Variants in PPARA observed in about 807,000 individuals in gnomAD.
PPARA encodes peroxisome proliferator activated receptor alpha, also known as peroxisome proliferator-activated receptor alpha.
A neutral mutation model predicts 42.2 loss-of-function variants in PPARA; 22 were observed. The ratio of observed to expected loss-of-function variants is 0.52; its 90% CI spans 0.37 to 0.74. The LOEUF is 0.74. PPARA is among the 30% of genes least tolerant of loss of function. The pLI, the probability that PPARA is intolerant of heterozygous loss-of-function variation, is 0.00. For missense variants in PPARA, 465 were observed against 608.2 expected, an observed-to-expected ratio of 0.76 and a Z score of 2.48; for synonymous variants, 242 against 239.3, an observed-to-expected ratio of 1.01 and a Z score of -0.10.
At chr22:46,198,612 A>G (rs749241077) in intron 4 of PPARA, 21 bp downstream of exon 4, 14 of 1,606,594 alleles carry the variant, frequency 8.7e-6, no homozygotes, top group East Asian at 2.2e-5. Flanking sequence ...CGTTTCCTAG[A>G]AAGTTTTATT....
At chr22:46,159,773 A>T (rs1925872585) in intron 2 of PPARA, among the ~76,000 whole-genome samples, 1 of 152,184 alleles carries the variant, frequency 6.6e-6, no homozygotes, top group East Asian at 1.9e-4. Context: ...GGAAAATGAG[A>T]GGCATGAAGG....
At position 46,221,260 on chromosome 22, in the gene PPARA, C is replaced by T. The variant is rs1328903096; in HGVS notation, c.711+1246C>T. Among the ~76,000 whole-genome samples the T allele has an allele frequency of 6.6e-6, 1 of 152,138 alleles. No individual in the cohort carries two copies. The highest frequency in any genetic ancestry group is 1.5e-5 in the Non-Finnish European group (1 of 68,016). ...TGCTAAACCATTCATGAAGGATCACCCCCATGATCCAGTCCCTCCCGCCAG... is the reference window on the plus strand; with the variant it reads ...TGCTAAACCATTCATGAAGGATCACTCCCATGATCCAGTCCCTCCCGCCAG... On this transcript the variant is annotated intron_variant, in intron 7 of 8. Transcript: ENST00000407236. This position sits in a 1 kb window ranked among gnomAD's most constrained non-coding sequence, Gnocchi z 5.9.
chr22:46,151,670 G>A (rs1924456656), intron 1 of PPARA, among the ~76,000 whole-genome samples: 1 of 152,230 alleles, frequency 6.6e-6, no homozygotes. Context: ...CCCCTGCCAG[G>A]AAACCAGGGA....
At chr22:46,166,847 C>T (rs1489678120) in intron 2 of PPARA, among the ~76,000 whole-genome samples, 1 of 152,072 alleles carries the variant, frequency 6.6e-6, no homozygotes, top group Non-Finnish European at 1.5e-5. Context: ...GGAATCAGAC[C>T]TCAGCATGCC....
Position 46,225,266 on chromosome 22 carries a change from G to A in PPARA, c.711+5252G>A, listed in dbSNP as rs1935327508. ...GTCAGGGCCCTTGGTGATGGGGAAG[G>A]GCGCCTCTGGGGAACTCACTGCCCC... On this transcript the variant is annotated intron_variant, in intron 7 of 8. Transcript: ENST00000407236. The surrounding 1 kb of genome is among the most constrained non-coding windows in gnomAD (Gnocchi z 4.1). 1.3e-5 allele frequency among the ~76,000 whole-genome samples: 2 copies of A among 152,130 alleles called. No individual in the cohort carries two copies. The highest frequency in any genetic ancestry group is 4.8e-5 in the African/African-American group (2 of 41,412).
rs757070608 is a variant in PPARA at position 46,227,555 on chromosome 22, A to G, written c.712-4237A>G. On this transcript the variant is annotated intron_variant, in intron 7 of 8. Coordinates refer to ENST00000407236, the MANE Select transcript of PPARA (RefSeq NM_005036.6). This position sits in a 1 kb window ranked among gnomAD's most constrained non-coding sequence, Gnocchi z 4.3. Reference sequence around the variant, plus strand: ...GCATGAGCTACTGCGCCTGGTCCACATTTAATTTTTTGCAAAAAGATGACA... The same window carrying G: ...GCATGAGCTACTGCGCCTGGTCCACGTTTAATTTTTTGCAAAAAGATGACA... Among the ~76,000 whole-genome samples the G allele has an allele frequency of 2.0e-5, 3 of 152,124 alleles. No homozygotes were observed. The highest frequency in any genetic ancestry group is 4.4e-5 in the Non-Finnish European group (3 of 68,014).
chr22:46,175,200 C>T (rs1244414126), intron 2 of PPARA, among the ~76,000 whole-genome samples: 1 of 152,068 alleles, frequency 6.6e-6, no homozygotes, highest in Non-Finnish European at 1.5e-5. Context: ...CAGAGATCCC[C>T]AGCACTCTTT....
intron 2 of PPARA, among the ~76,000 whole-genome samples, chr22:46,174,186 AAGAAAG>A (rs1364549073): frequency 4.4e-4 from 42 of 96,442 alleles, no homozygotes; most frequent in African/African-American, 2.3e-3. Context: ...TGAAAGAAGG[AAGAAAG>A]AGAGAGAGAG....
intron 7 of PPARA, among the ~76,000 whole-genome samples, chr22:46,228,610 T>G (rs1935640342): frequency 6.6e-6 from 1 of 152,160 alleles, no homozygotes; most frequent in African/African-American, 2.4e-5. Context: ...CAGGCCTGCA[T>G]TTGTCCTGGG....
intron 4 of PPARA, among the ~76,000 whole-genome samples, chr22:46,201,776 C>G (rs61632340): frequency 0.035 from 5,310 of 152,176 alleles, 289 homozygotes; most frequent in African/African-American, 0.12. Context: ...GCTCTTAACC[C>G]CACAATGTGG....
chr22:46,206,988 C>A lies in PPARA; in HGVS notation c.209-8185C>A, dbSNP rs190704819. On this transcript the variant is annotated intron_variant, in intron 4 of 8. Transcript: ENST00000407236. ...CTGTAATCCGAGCACTTTGGGAGGC[C>A]GAGGCGGGTGGATCACCTGAGGTCA... is the stretch of plus-strand genomic sequence containing the variant. Among the ~76,000 whole-genome samples the A allele has an allele frequency of 5.9e-3, 897 of 152,068 alleles. 6 individuals carry two copies. The highest frequency in any genetic ancestry group is 0.01 in the Non-Finnish European group (691 of 67,998).
rs1044999328 is a variant in PPARA, at chr22:46,224,999, G to T, written c.711+4985G>T. Among the ~76,000 whole-genome samples, 2 of 151,752 alleles carry T rather than the reference G, an allele frequency of 1.3e-5. No homozygotes were observed. The highest frequency in any genetic ancestry group is 1.3e-4 in the Admixed American group (2 of 15,234). ...GGGGGGGCCTGAAACCGGTGGGGGA[G>T]TTGTGGGAGGCCTAGAATCAGCCAG... On this transcript the variant is annotated intron_variant, in intron 7 of 8. Coordinates refer to ENST00000407236, the MANE Select transcript of PPARA (RefSeq NM_005036.6). The surrounding 1 kb of genome is among the most constrained non-coding windows in gnomAD (Gnocchi z 5.7).
chr22:46,208,259 A>G (rs1933583306), intron 4 of PPARA, among the ~76,000 whole-genome samples: 1 of 152,106 alleles, frequency 6.6e-6, no homozygotes, highest in Non-Finnish European at 1.5e-5. Context: ...GTGTGGTGAG[A>G]ACATGTAAAG....
rs1936369031 is a variant in PPARA, at chr22:46,241,488, A to G, written c.*6108A>G. The G allele has an allele frequency of 6.6e-6, 1 of 152,230 alleles. No individual in the cohort carries two copies. The highest frequency in any genetic ancestry group is 6.5e-5 in the Admixed American group (1 of 15,282). The allele number at this position is 152,230 out of a possible 1,614,324, so 9.4% of individuals were successfully genotyped here. A position where few individuals can be genotyped will look rare whatever the true frequency, so the allele number is the denominator to read the frequency against. ...GCAGCAGGTTCTTAAACGTTATTTC[A>G]GTGGCATGGGCTGGAAGCTTATCAC... On this transcript the variant is annotated 3_prime_UTR_variant, in exon 9 of 9. Coordinates refer to ENST00000407236, the MANE Select transcript of PPARA (RefSeq NM_005036.6). The surrounding 1 kb of genome is among the most constrained non-coding windows in gnomAD (Gnocchi z 5.7).
intron 2 of PPARA, among the ~76,000 whole-genome samples, chr22:46,169,621 G>A (rs922097250): frequency 1.3e-5 from 2 of 151,886 alleles, no homozygotes; most frequent in African/African-American, 4.8e-5. Context: ...CAATTTTTCT[G>A]TAAGCCCAAA....
chr22:46,168,713 A>G (rs1346324061), intron 2 of PPARA, among the ~76,000 whole-genome samples: 2 of 151,960 alleles, frequency 1.3e-5, no homozygotes, highest in Admixed American at 6.6e-5. Context: ...ATGCAAGTTC[A>G]TAGACATCTC....
chr22:46,152,122 G>A (rs146866872), intron 2 of PPARA, among the ~76,000 whole-genome samples, 152 bp downstream of exon 2: 2 of 151,026 alleles, frequency 1.3e-5, no homozygotes, highest in East Asian at 1.9e-4. Flanking sequence ...AAATACATGT[G>A]CATGGATTCA....
At chr22:46,159,623 G>A (rs1324357094) in intron 2 of PPARA, among the ~76,000 whole-genome samples, 1 of 152,188 alleles carries the variant, frequency 6.6e-6, no homozygotes, top group Admixed American at 6.5e-5. Flanking sequence ...CTCAATTGTT[G>A]TAATACTCAA....
At chr22:46,159,208 A>T (rs188161279) in intron 2 of PPARA, among the ~76,000 whole-genome samples, 1 of 152,108 alleles carries the variant, frequency 6.6e-6, no homozygotes, top group East Asian at 1.9e-4. Flanking sequence ...CTATCTGTGC[A>T]TTGGGGATGA....
Sources: gnomAD v4.1 joint callset for allele counts (sites outside exome capture counted in the v4.1 genomes callset) on GRCh38, gnomAD v4.1.1 for gene constraint, Gnocchi (gnomAD v3.1) non-coding constraint, MANE v1.5 for transcripts, NCBI Gene and HGNC (gene_info 2026-07-23, HGNC 2026-07-21) for gene names.